The following MESD variants were observed in gnomAD, a reference collection of about 807,000 sequenced individuals.
MESD encodes LRP chaperone MESD.
In MESD, 7 loss-of-function variants were observed where a neutral mutation model predicts 12.9. The observed-to-expected ratio is 0.54, with a 90% CI of 0.31 to 1.02. The LOEUF (loss-of-function observed/expected upper bound fraction) is 1.02. MESD is among the 50% of genes least tolerant of loss of function. The pLI is 0.05. For synonymous variants in MESD, 126 were observed against 115.6 expected (o/e 1.09, Z -0.58); for missense variants, 342 against 296.7 (o/e 1.15, Z -1.12).
chr15:80,984,185 C>T (rs1902666295), intron 1 of MESD, among the ~76,000 whole-genome samples: 1 of 152,078 alleles, frequency 6.6e-6, no homozygotes, highest in Non-Finnish European at 1.5e-5. Context: ...AGGCATTAGC[C>T]ACCATGCCTA....
intron 1 of MESD, 151 bp downstream of exon 1, chr15:80,989,428 C>A: frequency 1.1e-6 from 1 of 931,808 alleles, no homozygotes; most frequent in Non-Finnish European, 1.6e-6. Flanking sequence ...AATGGAGGGT[C>A]AACAGTGGCT....
chr15:80,959,624 C>T (rs1160978584), intron 3 of MESD, among the ~76,000 whole-genome samples: 1 of 152,196 alleles, frequency 6.6e-6, no homozygotes, highest in East Asian at 1.9e-4. Context: ...TAACGGAGAA[C>T]ACTTACGAAC....
At chr15:80,949,036 G>C (rs1488101267) in intron 4 of MESD, 1 of 1,459,474 alleles carries the variant, frequency 6.9e-7, no homozygotes, top group African/African-American at 1.4e-5. Context: ...TGCCTGGGAA[G>C]GCCGTGTTTC....
chr15:80,948,692 G>A lies in MESD; in HGVS notation c.*833C>T, dbSNP rs530657236. The A allele has an allele frequency of 1.4e-4, 209 of 1,472,234 alleles. No homozygotes were observed. The Middle Eastern group carries it at 1.7e-3, about 12-fold the overall frequency. 91.2% of individuals were successfully genotyped at this position (1,472,234 alleles called of 1,614,324 possible). A position where few individuals can be genotyped will look rare whatever the true frequency, so the allele number is the denominator to read the frequency against. On this transcript the variant is annotated 3_prime_UTR_variant, in exon 5 of 5. Transcript: ENST00000561312. Reference sequence around the variant, plus strand: ...GGCCACAGTGCAGTGTGGCTAGGCGGTACCTGGTGGGCGTGGGGGGCTGGC... The same window carrying A: ...GGCCACAGTGCAGTGTGGCTAGGCGATACCTGGTGGGCGTGGGGGGCTGGC...
chr15:80,987,862 C>T (rs1008323598), intron 1 of MESD, among the ~76,000 whole-genome samples: 1 of 152,104 alleles, frequency 6.6e-6, no homozygotes, highest in African/African-American at 2.4e-5. Flanking sequence ...TGGTGGCTCA[C>T]GCCCGTAATC....
intron 3 of MESD, among the ~76,000 whole-genome samples, chr15:80,958,104 G>A (rs576838536): frequency 2.4e-4 from 36 of 152,128 alleles, no homozygotes; most frequent in South Asian, 4.2e-4. Context: ...TATTTATAGC[G>A]GAATTTTGCT....
chr15:80,947,558 C>A (rs927124352), exon 5 of MESD: 1 of 161,732 alleles, frequency 6.2e-6, no homozygotes, highest in South Asian at 1.7e-4. Context: ...CAGGCAGCTT[C>A]GGTGGTGAAG....
chr15:80,989,388 G>A (rs1893231913), intron 1 of MESD, among the ~76,000 whole-genome samples, 191 bp downstream of exon 1: 1 of 152,178 alleles, frequency 6.6e-6, no homozygotes, highest in South Asian at 2.1e-4. Context: ...GCTGGAGCGA[G>A]GGTCAGCAGG....
At chr15:80,970,973 G>C (rs1902275061), downstream of MESD, among the ~76,000 whole-genome samples, 1 of 152,190 alleles carries the variant, frequency 6.6e-6, no homozygotes, top group South Asian at 2.1e-4. Flanking sequence ...ATCAGATATT[G>C]AGTGATTAGA....
At chr15:80,960,037 C>G (rs1902057702) in intron 3 of MESD, among the ~76,000 whole-genome samples, 1 of 152,210 alleles carries the variant, frequency 6.6e-6, no homozygotes, top group Admixed American at 6.5e-5. Flanking sequence ...CAGCTCATCA[C>G]TGACAGAAGG....
chr15:80,966,100 A>G (rs1264711857), intron 3 of MESD, among the ~76,000 whole-genome samples: 1 of 152,238 alleles, frequency 6.6e-6, no homozygotes, highest in Non-Finnish European at 1.5e-5. Context: ...TTTTGTGTGT[A>G]CATTTAAGAT....
intron 3 of MESD, among the ~76,000 whole-genome samples, chr15:80,952,515 G>A (rs1901866674): frequency 6.6e-6 from 1 of 152,204 alleles, no homozygotes. Flanking sequence ...ATAGGATAGA[G>A]TCGATATAAA....
At chr15:80,959,254 CA>C (rs914990878) in intron 3 of MESD, among the ~76,000 whole-genome samples, 14 of 152,160 alleles carry the variant, frequency 9.2e-5, no homozygotes, top group Admixed American at 9.2e-4. Context: ...GCCTCTCGCC[CA>C]GAGATGACCG....
At chr15:80,986,610 G>C (rs1415790947) in intron 1 of MESD, among the ~76,000 whole-genome samples, 1 of 152,162 alleles carries the variant, frequency 6.6e-6, no homozygotes, top group Non-Finnish European at 1.5e-5. Context: ...CCCTTAGTCT[G>C]GGTAACCTAA....
intron 3 of MESD, among the ~76,000 whole-genome samples, chr15:80,961,058 C>T (rs1350535761): frequency 6.6e-6 from 1 of 151,846 alleles, no homozygotes; most frequent in East Asian, 1.9e-4. Context: ...CAGTAATTGC[C>T]CTCTCTCTCA....
intron 3 of MESD, among the ~76,000 whole-genome samples, chr15:80,959,403 G>A (rs1025197792): frequency 2.0e-5 from 3 of 152,266 alleles, no homozygotes; most frequent in Non-Finnish European, 2.9e-5. Flanking sequence ...AAATTAGTGC[G>A]GCCCTGGTGT....
rs756981752 is a variant in MESD, at chr15:80,989,575, G to A, written c.213+4C>T. On this transcript the variant is annotated splice_donor_region_variant and intron_variant, in intron 1 of 2. Coordinates refer to ENST00000261758, the MANE Select transcript of MESD (RefSeq NM_015154.3). ...AGCCGGGAGGGTGTGCGCGCGCCGC[G>A]GACCTCCCATTGCTCCAGAAGACGC... The A allele has an allele frequency of 5.0e-6, 8 of 1,612,248 alleles. No homozygotes were observed. In the East Asian group the frequency reaches 1.3e-4, roughly 27 times the overall value.
downstream of MESD, among the ~76,000 whole-genome samples, chr15:80,973,036 C>CA (rs369005363): frequency 6.7e-3 from 1,010 of 151,098 alleles, 16 homozygotes; most frequent in African/African-American, 0.022. Flanking sequence ...AACAAACAAA[C>CA]AAAAAAAACA....
intron 1 of MESD, 45 bp from the exon 2 acceptor site, chr15:80,982,227 G>A: frequency 6.5e-7 from 1 of 1,544,044 alleles, no homozygotes; most frequent in Non-Finnish European, 8.9e-7. Context: ...TCAGAATCTT[G>A]CTTTTCAACT....
Sources: allele counts gnomAD v4.1 joint callset (sites outside exome capture counted in the v4.1 genomes callset), GRCh38; gene constraint gnomAD v4.1.1; transcripts MANE v1.5; gene names NCBI Gene and HGNC (gene_info 2026-07-23, HGNC 2026-07-21).